The following DGKI variants were observed in gnomAD, a reference collection of about 807,000 sequenced individuals.
DGKI encodes the protein DAG kinase iota.
A neutral mutation model predicts 147.5 loss-of-function variants in DGKI; 55 were observed. The observed-to-expected ratio is 0.37, with a 90% CI of 0.30 to 0.47. The LOEUF (loss-of-function observed/expected upper bound fraction) is 0.47, where lower values mean the gene tolerates loss of function less well. DGKI is among the 20% of genes least tolerant of loss of function. The pLI is 1.00. For missense variants in DGKI, 1,007 were observed against 1,323.8 expected (o/e 0.76, Z 3.71); for synonymous variants, 469 against 477.1 (o/e 0.98, Z 0.22).
intron 1 of DGKI, among the ~76,000 whole-genome samples, chr7:137,708,349 C>T (rs1224104918): frequency 6.6e-6 from 1 of 152,214 alleles, no homozygotes; most frequent in East Asian, 1.9e-4. Context: ...AATATCTTCT[C>T]TCCCATTCTC....
chr7:137,701,517 T>G (rs563317580), intron 1 of DGKI, among the ~76,000 whole-genome samples: 21 of 152,312 alleles, frequency 1.4e-4, no homozygotes, highest in Non-Finnish European at 2.2e-4. Flanking sequence ...GTACAGACAC[T>G]ATATACAAAA....
rs776368694 is a variant in DGKI, at chr7:137,678,614, G to T, written c.549C>A (p.Thr183=). The change falls in exon 3 of 33, where the codon ACC becomes ACA. Residue 183 remains threonine (T), a synonymous_variant. Coordinates refer to ENST00000614521, the MANE Select transcript of DGKI (RefSeq NM_001321708.2). The stretch of plus-strand genomic sequence containing the variant: ...GGTAGCAGAGGTCTCCCGAGACGTT[G>T]GTCTCCAGCCACAGGTGTTCTCCAT... The part of the protein sequence containing the change: ...AVNGEHLWLE[T]NVSGDLCYLG... 17 of 1,613,922 alleles carry T rather than the reference G, an allele frequency of 1.1e-5. No individual in the cohort carries two copies. The African/African-American group carries it at 1.5e-4, about 14-fold the overall frequency.
rs1478693954 is a variant in DGKI, at chr7:137,846,969, C to T, written c.-107G>A. ...CCTCCCGCGCCCTCCCGCGCCGGCC[C>T]GCACCCTCCAGCCCCGCCGGCCTCT... is the stretch of plus-strand genomic sequence containing the variant. On this transcript the variant is annotated 5_prime_UTR_variant, in exon 1 of 33. Coordinates refer to ENST00000614521, the MANE Select transcript of DGKI (RefSeq NM_001321708.2). This position sits in a 1 kb window ranked among gnomAD's most constrained non-coding sequence, Gnocchi z 4.0. 9.0e-6 allele frequency: 8 copies of T among 889,100 alleles called. No homozygotes were observed. The highest frequency in any genetic ancestry group is 9.6e-6 in the Non-Finnish European group (7 of 732,118). 55.1% of individuals were successfully genotyped at this position (889,100 alleles called of 1,614,324 possible).
Position 137,672,766 on chromosome 7 carries a change from C to CTTTT in DGKI, c.606+5787_606+5790dup, listed in dbSNP as rs60078498. Among the ~76,000 whole-genome samples the CTTTT allele has an allele frequency of 2.3e-3, 151 of 65,676 alleles. 12 individuals carry two copies. The highest frequency in any genetic ancestry group is 5.4e-3 in the East Asian group (11 of 2,056). 43.1% of individuals were successfully genotyped at this position (65,676 alleles called of 152,430 possible). On this transcript the variant is annotated intron_variant, in intron 3 of 32. Transcript: ENST00000614521. ...TCTCTGTGTGTGTGTCTCTGTGTGT[C>CTTTT]TTTTTTTTTTTTTTTTTTTTTTTTT...
At chr7:137,640,109 A>G (rs1034348296) in intron 6 of DGKI, among the ~76,000 whole-genome samples, 6 of 151,888 alleles carry the variant, frequency 4.0e-5, no homozygotes, top group Non-Finnish European at 7.4e-5. Context: ...ACTATGGTGT[A>G]CAGTAGATCT....
chr7:137,790,953 G>A (rs1268816899), intron 1 of DGKI, among the ~76,000 whole-genome samples: 1 of 152,122 alleles, frequency 6.6e-6, no homozygotes, highest in Non-Finnish European at 1.5e-5. Flanking sequence ...GCACCACTGG[G>A]GTCAGTGTTG....
chr7:137,583,839 CTTG>C (rs984913425), intron 14 of DGKI, among the ~76,000 whole-genome samples: 10 of 152,168 alleles, frequency 6.6e-5, no homozygotes, highest in South Asian at 4.1e-4. Context: ...CAAGATGACA[CTTG>C]TTGTTTAAAC....
chr7:137,565,470 A>C (rs1818553071), intron 19 of DGKI, among the ~76,000 whole-genome samples: 1 of 152,170 alleles, frequency 6.6e-6, no homozygotes, highest in South Asian at 2.1e-4. Context: ...GTAAAACTTC[A>C]ACCCTGAGAA....
intron 1 of DGKI, among the ~76,000 whole-genome samples, chr7:137,790,600 T>A (rs192446720): frequency 6.6e-6 from 1 of 152,184 alleles, no homozygotes; most frequent in Admixed American, 6.5e-5. Flanking sequence ...TTCTACCAAT[T>A]TGCAAACTTG....
intron 1 of DGKI, among the ~76,000 whole-genome samples, chr7:137,835,053 G>A (rs962371495): frequency 6.6e-6 from 1 of 152,138 alleles, no homozygotes. Flanking sequence ...AGAGCTTTCA[G>A]CTGCCAGCGA....
chr7:137,560,894 G>A (rs10260958), intron 19 of DGKI, among the ~76,000 whole-genome samples: 2,965 of 152,278 alleles, frequency 0.019, 67 homozygotes, highest in South Asian at 0.1. Context: ...AATAATAAAT[G>A]TATGTTGTCT....
intron 1 of DGKI, among the ~76,000 whole-genome samples, chr7:137,764,840 A>C (rs777967914): frequency 6.6e-6 from 1 of 151,514 alleles, no homozygotes; most frequent in East Asian, 1.9e-4. Flanking sequence ...CCCACCTCCT[A>C]CCTCTCCAAT....
At chr7:137,642,929 A>AGGGTGT (rs1554447720) in intron 6 of DGKI, among the ~76,000 whole-genome samples, 1 of 121,172 alleles carries the variant, frequency 8.3e-6, no homozygotes, top group African/African-American at 3.2e-5. Flanking sequence ...ATTATGGAAT[A>AGGGTGT]GTGTGTGTGT....
At chr7:137,676,287 T>C (rs1470828749) in intron 3 of DGKI, among the ~76,000 whole-genome samples, 1 of 152,234 alleles carries the variant, frequency 6.6e-6, no homozygotes, top group Non-Finnish European at 1.5e-5. Context: ...AGTTGACTCC[T>C]GAGTTGTTTT....
intron 2 of DGKI, among the ~76,000 whole-genome samples, chr7:137,686,523 C>T (rs1689869936): frequency 6.6e-6 from 1 of 152,164 alleles, no homozygotes; most frequent in South Asian, 2.1e-4. Context: ...CATAATAAGC[C>T]ATTTGAGTAA....
intron 1 of DGKI, among the ~76,000 whole-genome samples, chr7:137,698,922 A>G (rs1413892350): frequency 1.3e-5 from 2 of 152,182 alleles, no homozygotes; most frequent in Non-Finnish European, 2.9e-5. Flanking sequence ...GATCCACAAG[A>G]TGGTATAATA....
intron 19 of DGKI, among the ~76,000 whole-genome samples, chr7:137,563,724 T>C (rs945750812): frequency 2.0e-5 from 3 of 152,154 alleles, no homozygotes; most frequent in Admixed American, 6.5e-5. Flanking sequence ...TAGAAATAAA[T>C]TTAACAAAAG....
chr7:137,759,802 T>C (rs1047330660), intron 1 of DGKI, among the ~76,000 whole-genome samples: 1 of 152,086 alleles, frequency 6.6e-6, no homozygotes, highest in Non-Finnish European at 1.5e-5. Context: ...TTTCTCTGTT[T>C]CTCTCTCCTC....
At chr7:137,407,058 C>T (rs1186765221) in intron 30 of DGKI, among the ~76,000 whole-genome samples, 1 of 151,878 alleles carries the variant, frequency 6.6e-6, no homozygotes, top group Non-Finnish European at 1.5e-5. Flanking sequence ...AGAAACTTTT[C>T]CAATCTCTCT....
Sources: allele counts gnomAD v4.1 joint callset (sites outside exome capture counted in the v4.1 genomes callset), GRCh38; gene constraint gnomAD v4.1.1; non-coding constraint Gnocchi (gnomAD v3.1); transcripts MANE v1.5; gene names NCBI Gene and HGNC (gene_info 2026-07-23, HGNC 2026-07-21).